Variants in SATB2 observed in about 807,000 individuals in gnomAD.
SATB2 encodes SATB homeobox 2, also known as DNA-binding protein SATB2.
A neutral mutation model predicts 73.4 loss-of-function variants in SATB2; 1 was observed. That is an observed-to-expected ratio of 0.01 (90% confidence interval 0.00 to 0.06). The LOEUF is 0.06. Among genes scored for constraint, SATB2 ranks in the 10% least tolerant of loss-of-function variants. The pLI is 1.00. For missense variants in SATB2, 459 were observed against 945.8 expected, an observed-to-expected ratio of 0.49 and a Z score of 6.75; for synonymous variants, 397 against 367.0, an observed-to-expected ratio of 1.08 and a Z score of -0.93.
At chr2:199,416,094 C>T (rs1690971390) in intron 3 of SATB2, among the ~76,000 whole-genome samples, 1 of 152,200 alleles carries the variant, frequency 6.6e-6, no homozygotes, top group Admixed American at 6.5e-5. Flanking sequence ...GCAGAAGTTA[C>T]ATTACATTAT....
At chr2:199,370,476 T>C (rs1689410631) in intron 5 of SATB2, among the ~76,000 whole-genome samples, 1 of 152,180 alleles carries the variant, frequency 6.6e-6, no homozygotes, top group South Asian at 2.1e-4. Context: ...CTTATTTGTA[T>C]GAATTTATCC....
Position 199,349,183 on chromosome 2 carries a change from G to A in SATB2, c.701-10C>T. On this transcript the variant is annotated splice_polypyrimidine_tract_variant and intron_variant, in intron 6 of 10. Transcript: ENST00000417098. The stretch of plus-strand genomic sequence containing the variant: ...CGTTCCACTCTTTCCACTGTTAAGA[G>A]ATAAAAGTGATAATTAATCATTATT... 1 of 1,561,436 alleles carries A rather than the reference G, an allele frequency of 6.4e-7. No homozygotes were observed. Among genetic ancestry groups the A allele is most frequent in the Non-Finnish European group, 8.8e-7 (1 of 1,136,056 alleles).
chr2:199,394,503 A>T (rs1690241866), intron 3 of SATB2, among the ~76,000 whole-genome samples: 1 of 152,260 alleles, frequency 6.6e-6, no homozygotes, highest in South Asian at 2.1e-4. Context: ...ATTAGAAAAA[A>T]GGCTGTGGGC....
intron 7 of SATB2, among the ~76,000 whole-genome samples, chr2:199,334,915 T>G (rs1250183084): frequency 1.3e-5 from 2 of 152,094 alleles, no homozygotes; most frequent in Non-Finnish European, 2.9e-5. Flanking sequence ...TGAGAGGCAT[T>G]TCCCCCTCAG....
intron 7 of SATB2, among the ~76,000 whole-genome samples, chr2:199,338,632 G>A (rs1185839513): frequency 6.6e-6 from 1 of 151,806 alleles, no homozygotes; most frequent in Admixed American, 6.6e-5. Flanking sequence ...GAAAGGAAAA[G>A]ATAGGCTGGG....
chr2:199,462,185 C>T (rs925870183), upstream of SATB2, among the ~76,000 whole-genome samples: 5 of 152,236 alleles, frequency 3.3e-5, no homozygotes, highest in Non-Finnish European at 5.9e-5. The surrounding 1 kb of genome is among the most constrained non-coding windows in gnomAD (Gnocchi z 5.9). Flanking sequence ...TGGGAATCGC[C>T]CGCGTCAAAA....
chr2:199,453,075 G>A (rs1469175513), intron 2 of SATB2, among the ~76,000 whole-genome samples: 1 of 151,924 alleles, frequency 6.6e-6, no homozygotes, highest in African/African-American at 2.4e-5. Flanking sequence ...TGAATACTTA[G>A]TTCTCATCAA....
At chr2:199,344,647 C>T (rs1688599085) in intron 7 of SATB2, among the ~76,000 whole-genome samples, 1 of 152,208 alleles carries the variant, frequency 6.6e-6, no homozygotes, top group African/African-American at 2.4e-5. Context: ...CTTCCTTGCT[C>T]CCAGTCCTGA....
intron 9 of SATB2, among the ~76,000 whole-genome samples, chr2:199,313,920 C>T (rs1259140364): frequency 6.6e-6 from 1 of 152,132 alleles, no homozygotes; most frequent in African/African-American, 2.4e-5. Context: ...CCTTGTGCTC[C>T]AGCCACTGTG....
At chr2:199,303,158 T>G in intron 10 of SATB2, among the ~76,000 whole-genome samples, 1 of 152,200 alleles carries the variant, frequency 6.6e-6, no homozygotes, top group East Asian at 1.9e-4. Flanking sequence ...ACTCTGAAGG[T>G]AGACAGATGT....
intron 6 of SATB2, among the ~76,000 whole-genome samples, chr2:199,362,225 C>T (rs937775674): frequency 3.9e-5 from 6 of 152,160 alleles, no homozygotes; most frequent in Non-Finnish European, 8.8e-5. Context: ...ACATGCAATG[C>T]TCTTTCGTAC....
At chr2:199,441,115 G>A (rs1029995518) in intron 2 of SATB2, among the ~76,000 whole-genome samples, 9 of 152,192 alleles carry the variant, frequency 5.9e-5, no homozygotes, top group Admixed American at 4.6e-4. Context: ...CCAAAGCGCT[G>A]GGATTATAGG....
chr2:199,325,067 C>T (rs1003593084), intron 8 of SATB2, among the ~76,000 whole-genome samples: 4 of 152,150 alleles, frequency 2.6e-5, no homozygotes, highest in Admixed American at 6.5e-5. Flanking sequence ...TGGTGTCTAG[C>T]GGCAGAACTT....
intron 9 of SATB2, 47 bp downstream of exon 9, chr2:199,323,756 A>G: frequency 6.4e-7 from 1 of 1,565,572 alleles, no homozygotes; most frequent in African/African-American, 1.4e-5. Context: ...AGGAAGGAGA[A>G]GGATCTAATT....
chr2:199,342,836 T>G (rs1334977544), intron 7 of SATB2, among the ~76,000 whole-genome samples: 1 of 152,156 alleles, frequency 6.6e-6, no homozygotes, highest in African/African-American at 2.4e-5. Context: ...TTAAAAGACA[T>G]ATTTATTAAA....
intron 3 of SATB2, among the ~76,000 whole-genome samples, chr2:199,385,442 C>T (rs889818456): frequency 1.1e-4 from 16 of 152,090 alleles, no homozygotes; most frequent in Non-Finnish European, 2.1e-4. Flanking sequence ...CTAGCCCTCC[C>T]CTACTTTAAA....
At position 199,457,841 on chromosome 2, in the gene SATB2, C is replaced by T. The variant is rs999319923; in HGVS notation, c.-562G>A. ...ACCAAGAGCCGAGAAGACGCAGGGA[C>T]CCGGGACCGCGCGCGGGAGGAAACG... On this transcript the variant is annotated 5_prime_UTR_variant, in exon 1 of 11. Coordinates refer to ENST00000417098, the MANE Select transcript of SATB2 (RefSeq NM_001172509.2). This position sits in a 1 kb window ranked among gnomAD's most constrained non-coding sequence, Gnocchi z 4.8. The T allele has an allele frequency of 8.5e-5, 13 of 153,368 alleles. No individual in the cohort carries two copies. Among genetic ancestry groups the T allele is most frequent in the African/African-American group, 3.1e-4 (13 of 41,382 alleles). 9.5% of individuals were successfully genotyped at this position (153,368 alleles called of 1,614,324 possible).
At chr2:199,315,917 G>T (rs573957832) in intron 9 of SATB2, among the ~76,000 whole-genome samples, 8 of 152,014 alleles carry the variant, frequency 5.3e-5, no homozygotes, top group Non-Finnish European at 1.0e-4. Flanking sequence ...GAACTCTAAT[G>T]AATGAATATC....
chr2:199,459,972 C>T (rs940189738), upstream of SATB2: 15 of 152,446 alleles, frequency 9.8e-5, no homozygotes, highest in African/African-American at 3.1e-4. This position sits in a 1 kb window ranked among gnomAD's most constrained non-coding sequence, Gnocchi z 4.2. Context: ...CCCAGATCAC[C>T]ACGAACCCCG....
Sources: allele counts gnomAD v4.1 joint callset (sites outside exome capture counted in the v4.1 genomes callset), GRCh38; gene constraint gnomAD v4.1.1; non-coding constraint Gnocchi (gnomAD v3.1); transcripts MANE v1.5; gene names NCBI Gene and HGNC (gene_info 2026-07-23, HGNC 2026-07-21).